The following CREB5 variants were observed in gnomAD, a reference collection of about 807,000 sequenced individuals.
CREB5 encodes cAMP responsive element binding protein 5.
CREB5 carries 19 observed loss-of-function variants against 57.1 expected under a neutral mutation model. The ratio of observed to expected loss-of-function variants is 0.33; its 90% CI spans 0.23 to 0.49. The LOEUF (loss-of-function observed/expected upper bound fraction) is 0.49. Ranked by LOEUF, CREB5 falls within the 20% of genes least tolerant of loss-of-function variation. The pLI is 0.99. For missense variants in CREB5, 579 were observed against 671.6 expected, an observed-to-expected ratio of 0.86 and a Z score of 1.52; for synonymous variants, 238 against 238.3, an observed-to-expected ratio of 1.00 and a Z score of 0.01.
At chr7:28,638,946 T>A (rs1798537732) in intron 5 of CREB5, among the ~76,000 whole-genome samples, 1 of 152,188 alleles carries the variant, frequency 6.6e-6, no homozygotes, top group African/African-American at 2.4e-5. Flanking sequence ...ACCCTGCTTA[T>A]TTATTGTATG....
chr7:28,398,481 G>A (rs962853372), intron 1 of CREB5, among the ~76,000 whole-genome samples: 2 of 152,086 alleles, frequency 1.3e-5, no homozygotes, highest in African/African-American at 4.8e-5. Context: ...ATGAACCTTT[G>A]CTATCCCATA....
chr7:28,563,313 T>G (rs1276797943), intron 4 of CREB5, among the ~76,000 whole-genome samples: 1 of 152,182 alleles, frequency 6.6e-6, no homozygotes, highest in African/African-American at 2.4e-5. Context: ...CTCACATGAT[T>G]CTGATGCTAA....
At chr7:28,787,406 G>A (rs1430158185) in intron 7 of CREB5, among the ~76,000 whole-genome samples, 1 of 152,170 alleles carries the variant, frequency 6.6e-6, no homozygotes, top group Non-Finnish European at 1.5e-5. Flanking sequence ...GGAGGCATGG[G>A]TTCTAATATA....
Position 28,560,891 on chromosome 7 carries a change from T to TGTGTGC in CREB5, c.292-9470_292-9465dup, listed in dbSNP as rs1463485331. The stretch of plus-strand genomic sequence containing the variant: ...CTGCGTGCGCGTGCGTGCGTGCGTG[T>TGTGTGC]GTGTGCGTGCGCGCGTGCGTGTGCG... On this transcript the variant is annotated intron_variant, in intron 4 of 10. Transcript: ENST00000357727. Among the ~76,000 whole-genome samples, 5 of 19,726 alleles carry TGTGTGC rather than the reference T, an allele frequency of 2.5e-4. 2 individuals carry two copies. The East Asian group carries it at 9.7e-3, about 38-fold the overall frequency. The allele number at this position is 19,726 out of a possible 152,430, so 12.9% of individuals were successfully genotyped here. A position where few individuals can be genotyped will look rare whatever the true frequency, so the allele number is the denominator to read the frequency against.
chr7:28,429,962 G>T (rs1225922075), intron 1 of CREB5, among the ~76,000 whole-genome samples: 2 of 152,310 alleles, frequency 1.3e-5, no homozygotes, highest in East Asian at 3.9e-4. Context: ...AAAGAGATCT[G>T]ATTTACCAGG....
chr7:28,398,768 G>C (rs1787388115), intron 1 of CREB5, among the ~76,000 whole-genome samples: 1 of 152,046 alleles, frequency 6.6e-6, no homozygotes, highest in Non-Finnish European at 1.5e-5. Flanking sequence ...CTGGAATGCA[G>C]TGGCAGGATC....
chr7:28,422,811 C>T (rs1788327535), intron 1 of CREB5, among the ~76,000 whole-genome samples: 1 of 152,170 alleles, frequency 6.6e-6, no homozygotes, highest in African/African-American at 2.4e-5. Context: ...ATTTATGTTT[C>T]TCTATGAGAG....
rs10486590 is a variant in CREB5, at chr7:28,727,071, C to A, written c.702+2739C>A. Among the ~76,000 whole-genome samples, 15 of 151,538 alleles carry A rather than the reference C, an allele frequency of 9.9e-5. No homozygotes were observed. In the East Asian group the frequency reaches 2.1e-3, roughly 21 times the overall value. ...CCAGTGCCTTTATCAAGTTCTCCAG[C>A]GCATTAATCTAGGACATCCTAGATC... On this transcript the variant is annotated intron_variant, in intron 7 of 10. Transcript: ENST00000357727.
At chr7:28,435,480 T>TCTAGC (rs1788923177) in intron 1 of CREB5, 1 of 197,022 alleles carries the variant, frequency 5.1e-6, no homozygotes, top group Non-Finnish European at 9.1e-6. Flanking sequence ...CCAGCTCTAG[T>TCTAGC]GGCCTCTAGC....
chr7:28,331,916 G>C (rs1311825438), intron 1 of CREB5, among the ~76,000 whole-genome samples: 2 of 151,658 alleles, frequency 1.3e-5, no homozygotes, highest in African/African-American at 4.8e-5. Context: ...TTTGTAGTGA[G>C]TCGAATGATG....
Position 28,412,748 on chromosome 7 carries a change from A to G in CREB5, c.-167A>G, listed in dbSNP as rs1787857493. 2.0e-6 allele frequency: 1 copy of G among 496,018 alleles called. No individual in the cohort carries two copies. The highest frequency in any genetic ancestry group is 2.0e-5 in the African/African-American group (1 of 50,792). 30.7% of individuals were successfully genotyped at this position (496,018 alleles called of 1,614,324 possible). ...AAATACCAGACCTGTTCTTTTTACT[A>G]AAAGCTAGTTTCACTATCTTCTGGT... On this transcript the variant is annotated 5_prime_UTR_variant, in exon 1 of 11. Coordinates refer to ENST00000357727, the MANE Select transcript of CREB5 (RefSeq NM_182898.4).
intron 1 of CREB5, among the ~76,000 whole-genome samples, chr7:28,371,018 C>T (rs1012367136): frequency 2.6e-5 from 4 of 152,184 alleles, no homozygotes; most frequent in African/African-American, 9.7e-5. Context: ...AAGTATTTTC[C>T]TTCAAAGGAT....
chr7:28,438,906 T>C (rs146255496), intron 1 of CREB5, among the ~76,000 whole-genome samples: 10 of 152,308 alleles, frequency 6.6e-5, no homozygotes, highest in African/African-American at 2.4e-4. Context: ...CCAACATTTT[T>C]GTGGGAAAGG....
intron 4 of CREB5, among the ~76,000 whole-genome samples, chr7:28,517,167 T>C (rs1223409297): frequency 1.3e-5 from 2 of 152,162 alleles, no homozygotes; most frequent in Non-Finnish European, 2.9e-5. Context: ...GTTACTTACC[T>C]GGGCCCCTCA....
At chr7:28,496,419 T>C (rs902260064) in intron 3 of CREB5, among the ~76,000 whole-genome samples, 1 of 152,228 alleles carries the variant, frequency 6.6e-6, no homozygotes, top group East Asian at 1.9e-4. Flanking sequence ...CTGGGAAACA[T>C]GTGCAGGCTA....
At chr7:28,322,946 C>G (rs1330202274) in intron 1 of CREB5, among the ~76,000 whole-genome samples, 2 of 152,068 alleles carry the variant, frequency 1.3e-5, no homozygotes, top group African/African-American at 4.8e-5. Context: ...CTCCTAAGAC[C>G]ATATTCTTAG....
chr7:28,718,657 G>T, intron 5 of CREB5, 96 bp from the exon 6 acceptor site: 2 of 1,525,274 alleles, frequency 1.3e-6, no homozygotes, highest in Non-Finnish European at 8.9e-7. Flanking sequence ...CTGATCTGCT[G>T]CACATGTGAC....
At chr7:28,769,001 T>C (rs555774363) in intron 7 of CREB5, among the ~76,000 whole-genome samples, 2 of 152,368 alleles carry the variant, frequency 1.3e-5, no homozygotes, top group East Asian at 3.9e-4. Context: ...TGAGTGAGCA[T>C]TGACCACTAG....
At chr7:28,766,583 T>G (rs531455506) in intron 7 of CREB5, among the ~76,000 whole-genome samples, 1 of 152,378 alleles carries the variant, frequency 6.6e-6, no homozygotes, top group East Asian at 1.9e-4. Context: ...TACCCTGGAA[T>G]GTGCAGGAAA....
Sources: gnomAD v4.1 joint callset for allele counts (sites outside exome capture counted in the v4.1 genomes callset) on GRCh38, gnomAD v4.1.1 for gene constraint, MANE v1.5 for transcripts, NCBI Gene and HGNC (gene_info 2026-07-23, HGNC 2026-07-21) for gene names.